WDR76: variants seen among roughly 807,000 people sequenced by gnomAD.
WDR76 encodes the protein WD repeat-containing protein 76.
Under a neutral mutation model 70.2 loss-of-function variants are expected in WDR76, and 52 were observed. That is an observed-to-expected ratio of 0.74 (90% CI 0.59 to 0.93). The LOEUF is 0.93. Among genes scored for constraint, WDR76 ranks in the 40% least tolerant of loss-of-function variants. The pLI, the probability that WDR76 is intolerant of heterozygous loss-of-function variation, is 0.00. For missense variants in WDR76, 756 were observed against 760.2 expected (o/e 0.99, Z 0.07); for synonymous variants, 292 against 271.1 (o/e 1.08, Z -0.76).
intron 3 of WDR76, among the ~76,000 whole-genome samples, chr15:43,835,829 G>A (rs574584850): frequency 6.6e-6 from 1 of 151,928 alleles, no homozygotes; most frequent in Admixed American, 6.6e-5. Flanking sequence ...TGTAATTTTT[G>A]TATTTTTAGT....
chr15:43,857,105 A>G lies in WDR76; in HGVS notation c.1351A>G (p.Ile451Val). ...ACTTACCAGTTCTTCTATGGGAAAA[A>G]TAAGAACTGTTCATGTCCACCCAGT... ...EKLTSSSMGKIRTVHVHPVHR... is the reference protein window; with the variant it reads ...EKLTSSSMGKVRTVHVHPVHR... Residue 451 changes from isoleucine to valine, a missense_variant, in exon 10 of 13, where the codon ATA (isoleucine) becomes GTA (valine). Coordinates refer to ENST00000263795, the MANE Select transcript of WDR76 (RefSeq NM_024908.4). 1 of 1,614,114 alleles carries G rather than the reference A, an allele frequency of 6.2e-7. No individual in the cohort carries two copies. Among genetic ancestry groups the G allele is most frequent in the Non-Finnish European group, 8.5e-7 (1 of 1,180,000 alleles).
chr15:43,855,944 C>T (rs11854565), intron 9 of WDR76, among the ~76,000 whole-genome samples: 19,589 of 152,126 alleles, frequency 0.13, 1,705 homozygotes, highest in Non-Finnish European at 0.18. Flanking sequence ...CACAAGTAAC[C>T]GTTGTTGCAT....
At position 43,861,384 on chromosome 15, in the gene WDR76, C is replaced by T; in HGVS notation, c.1614C>T (p.Ile538=). The T allele has an allele frequency of 1.9e-6, 3 of 1,613,740 alleles. No homozygotes were observed. The highest frequency in any genetic ancestry group is 2.5e-6 in the Non-Finnish European group (3 of 1,179,694). Residue 538 remains isoleucine, a splice_region_variant and synonymous_variant, in exon 12 of 13, where the codon ATC becomes ATT. Coordinates refer to ENST00000263795, the MANE Select transcript of WDR76 (RefSeq NM_024908.4). ...ISSKIPLLTT[I]RHNTFTGRWL... ...CTAAGATTCCGCTCCTCACCACCAT[C>T]AGGTAGGCTTCTATATGCCAAATAA... is the stretch of plus-strand genomic sequence containing the variant.
intron 2 of WDR76, among the ~76,000 whole-genome samples, chr15:43,830,811 C>T (rs948306026): frequency 6.6e-6 from 1 of 151,982 alleles, no homozygotes; most frequent in African/African-American, 2.4e-5. Context: ...CTTTGGGAGG[C>T]CACGGTGGGT....
At chr15:43,843,852 C>G in intron 7 of WDR76, 49 bp from the exon 8 acceptor site, 1 of 1,439,918 alleles carries the variant, frequency 6.9e-7, no homozygotes, top group Non-Finnish European at 9.3e-7. Context: ...CTTATTTTGA[C>G]TATTGAGATT....
chr15:43,838,666 G>A (rs1401557907), intron 4 of WDR76, among the ~76,000 whole-genome samples: 2 of 151,910 alleles, frequency 1.3e-5, no homozygotes, highest in Non-Finnish European at 2.9e-5. Flanking sequence ...GCTTTATTTC[G>A]TTCTTTTTTT....
chr15:43,841,254 G>A (rs567009115), intron 5 of WDR76, among the ~76,000 whole-genome samples: 2 of 147,562 alleles, frequency 1.4e-5, no homozygotes, highest in South Asian at 2.2e-4. Flanking sequence ...CCAGGCTGGA[G>A]TGCGGTGCTG....
In WDR76 at chr15:43,827,013, G is replaced by T; in HGVS notation, c.-20G>T. On this transcript the variant is annotated 5_prime_UTR_variant, in exon 1 of 13. Coordinates refer to ENST00000263795, the MANE Select transcript of WDR76 (RefSeq NM_024908.4). ...GCCGCAATCTTGGCGGGAAGGCGCCGGCCGCTAAGAAGCCGAAAGATGTCC... is the reference window on the plus strand; with the variant it reads ...GCCGCAATCTTGGCGGGAAGGCGCCTGCCGCTAAGAAGCCGAAAGATGTCC... 6.2e-7 allele frequency: 1 copy of T among 1,612,776 alleles called. No homozygotes were observed. The highest frequency in any genetic ancestry group is 2.2e-5 in the East Asian group (1 of 44,854).
intron 12 of WDR76, among the ~76,000 whole-genome samples, chr15:43,865,675 A>G (rs2088061592): frequency 6.6e-6 from 1 of 152,168 alleles, no homozygotes; most frequent in Non-Finnish European, 1.5e-5. Context: ...AAGTGCTGGG[A>G]TGACAGGCTT....
At position 43,828,203 on chromosome 15, in the gene WDR76, A is replaced by G; in HGVS notation, c.299A>G (p.Asn100Ser). Residue 100 changes from asparagine to serine, a missense_variant, in exon 2 of 13, where the codon AAC becomes AGC. Transcript: ENST00000263795. ...CRRIIPPKMKNTSSKAESTLQ... is the reference protein window; with the variant it reads ...CRRIIPPKMKSTSSKAESTLQ... ...AGGATTATACCTCCAAAGATGAAAA[A>G]CACATCTTCCAAGGCAGAATCCACG... 1 of 1,614,178 alleles carries G rather than the reference A, an allele frequency of 6.2e-7. No individual in the cohort carries two copies. Among genetic ancestry groups the G allele is most frequent in the Non-Finnish European group, 8.5e-7 (1 of 1,180,036 alleles).
intron 9 of WDR76, 24 bp downstream of exon 9, chr15:43,851,269 C>T (rs1330985420): frequency 6.2e-7 from 1 of 1,609,658 alleles, no homozygotes; most frequent in Admixed American, 1.7e-5. Flanking sequence ...TGTTTACATG[C>T]TGACTTCAGA....
At chr15:43,859,877 G>A (rs1308947848) in intron 11 of WDR76, among the ~76,000 whole-genome samples, 1 of 152,220 alleles carries the variant, frequency 6.6e-6, no homozygotes, top group East Asian at 1.9e-4. Flanking sequence ...AGAAGAGAAG[G>A]AGGTGGTGAT....
chr15:43,852,896 A>G (rs2087880035), intron 9 of WDR76, among the ~76,000 whole-genome samples: 1 of 151,654 alleles, frequency 6.6e-6, no homozygotes, highest in Non-Finnish European at 1.5e-5. Context: ...TTCTTTATAT[A>G]TTTATTTTTG....
chr15:43,832,432 GT>G (rs34944412), intron 2 of WDR76, among the ~76,000 whole-genome samples: 119,440 of 149,398 alleles, frequency 0.8, 48,144 homozygotes, highest in East Asian at 1. Flanking sequence ...GTTCATCTTT[GT>G]TTTTTTTTTG....
intron 9 of WDR76, 74 bp from the exon 10 acceptor site, chr15:43,856,872 T>G: frequency 7.4e-7 from 1 of 1,349,060 alleles, no homozygotes; most frequent in Non-Finnish European, 1.0e-6. Flanking sequence ...ATAACCCTTT[T>G]ACCAAAGAAT....
rs201138560 is a variant in WDR76, at chr15:43,837,169, C to CTTA, written c.608+954_608+956dup. Among the ~76,000 whole-genome samples, 1,262 of 152,174 alleles carry CTTA rather than the reference C, an allele frequency of 8.3e-3. 17 individuals are homozygous for CTTA. The highest frequency in any genetic ancestry group is 0.029 in the African/African-American group (1,197 of 41,486). On this transcript the variant is annotated intron_variant, in intron 4 of 12. Coordinates refer to ENST00000263795, the MANE Select transcript of WDR76 (RefSeq NM_024908.4). ...TTATCTCCATTGCATTTTAGCAGTGCTTACATATAAATGAAGAAACTAAAA... is the reference window on the plus strand; with the variant it reads ...TTATCTCCATTGCATTTTAGCAGTGCTTATTACATATAAATGAAGAAACTAAAA...
intron 6 of WDR76, 38 bp downstream of exon 6, chr15:43,842,554 TG>T: frequency 1.2e-6 from 2 of 1,600,850 alleles, no homozygotes; most frequent in Non-Finnish European, 1.7e-6. Flanking sequence ...TAGAATCATC[TG>T]TTAAGGAAAT....
intron 2 of WDR76, among the ~76,000 whole-genome samples, chr15:43,830,453 T>C (rs1475597757): frequency 2.7e-5 from 4 of 150,052 alleles, no homozygotes; most frequent in Non-Finnish European, 5.9e-5. Flanking sequence ...TCCCAGCTAC[T>C]AGGGAGGCCG....
At chr15:43,828,494 G>A in intron 2 of WDR76, 128 bp downstream of exon 2, 1 of 806,128 alleles carries the variant, frequency 1.2e-6, no homozygotes, top group Non-Finnish European at 1.8e-6. Context: ...AAGTATAAAT[G>A]TAATAATACA....
Sources: gnomAD v4.1 joint callset for allele counts (sites outside exome capture counted in the v4.1 genomes callset) on GRCh38, gnomAD v4.1.1 for gene constraint, MANE v1.5 for transcripts, NCBI Gene and HGNC (gene_info 2026-07-23, HGNC 2026-07-21) for gene names.